DNAJC5B: variants seen among roughly 807,000 people sequenced by gnomAD.
The protein encoded by DNAJC5B is DnaJ heat shock protein family (Hsp40) member C5 beta, also known as dnaJ homolog subfamily C member 5B.
A neutral mutation model predicts 24.7 loss-of-function variants in DNAJC5B; 23 were observed. That is an observed-to-expected ratio of 0.93 (90% CI 0.67 to 1.32). The LOEUF is 1.32. Ranked by LOEUF, DNAJC5B falls within the 40% of genes most tolerant of loss-of-function variation. The pLI, the probability that DNAJC5B is intolerant of heterozygous loss-of-function variation, is 0.00. For synonymous variants in DNAJC5B, 101 were observed against 90.1 expected, an observed-to-expected ratio of 1.12 and a Z score of -0.68; for missense variants, 238 against 240.8, an observed-to-expected ratio of 0.99 and a Z score of 0.08.
chr8:66,078,237 T>C (rs7014971), intron 4 of DNAJC5B, among the ~76,000 whole-genome samples: 21,793 of 152,140 alleles, frequency 0.14, 2,412 homozygotes, highest in East Asian at 0.31. Context: ...GTGAGAGATA[T>C]GCAAAATAAT....
intron 3 of DNAJC5B, among the ~76,000 whole-genome samples, chr8:66,052,938 A>G (rs1368248594): frequency 6.6e-6 from 1 of 151,956 alleles, no homozygotes; most frequent in Non-Finnish European, 1.5e-5. Flanking sequence ...GTTTAGAGTT[A>G]GGGCCTCACT....
chr8:66,017,685 A>C (rs1805990888), upstream of DNAJC5B, among the ~76,000 whole-genome samples: 1 of 152,222 alleles, frequency 6.6e-6, no homozygotes, highest in African/African-American at 2.4e-5. Flanking sequence ...AACTGTTGTT[A>C]TGCTGACACT....
chr8:66,021,812 C>G (rs1393596432), intron 1 of DNAJC5B, 107 bp downstream of exon 1: 1 of 152,152 alleles, frequency 6.6e-6, no homozygotes, highest in African/African-American at 2.4e-5. Context: ...CAGAGCTGGG[C>G]GCATCTTGCC....
chr8:66,084,556 C>T (rs1807678275), intron 5 of DNAJC5B, among the ~76,000 whole-genome samples: 1 of 152,108 alleles, frequency 6.6e-6, no homozygotes, highest in Admixed American at 6.5e-5. Flanking sequence ...CTTTTCTAGG[C>T]AGCTGCTCAG....
chr8:66,027,231 G>A (rs1294803958), intron 1 of DNAJC5B, among the ~76,000 whole-genome samples: 2 of 152,126 alleles, frequency 1.3e-5, no homozygotes, highest in East Asian at 1.9e-4. Flanking sequence ...GGACAGCCCC[G>A]GAAATCTTTG....
At chr8:66,036,608 A>G (rs767676958) in intron 1 of DNAJC5B, among the ~76,000 whole-genome samples, 1 of 152,120 alleles carries the variant, frequency 6.6e-6, no homozygotes, top group Non-Finnish European at 1.5e-5. Flanking sequence ...TGGAAAATCA[A>G]GGTTGATTTG....
rs763073731 is a variant in DNAJC5B at position 66,076,757 on chromosome 8, G to T, written c.217G>T (p.Asp73Tyr). ...CAACAACGCCCACGCAATACTTACC[G>T]ACATTTCAAAGAGAAGCATATACGA... Reference protein sequence around the residue: ...EINNAHAILTDISKRSIYDKY... With the variant: ...EINNAHAILTYISKRSIYDKY... The change falls in exon 4 of 6, where the codon GAC becomes TAC. Residue 73 changes from aspartate (D) to tyrosine (Y), a missense_variant. Asp to Tyr is a radical substitution (Grantham distance 160). Transcript: ENST00000276570. The T allele has an allele frequency of 1.2e-6, 2 of 1,614,162 alleles. No homozygotes were observed. The highest frequency in any genetic ancestry group is 1.3e-5 in the African/African-American group (1 of 75,038).
intron 1 of DNAJC5B, among the ~76,000 whole-genome samples, chr8:66,033,893 T>C (rs1444567921): frequency 2.0e-5 from 3 of 151,064 alleles, no homozygotes; most frequent in Admixed American, 6.6e-5. Flanking sequence ...ATTTGGATGG[T>C]GTCCAGAGAT....
At chr8:66,020,594 C>CTGTGTGTGTGTGTGTGTG (rs10526018), upstream of DNAJC5B, among the ~76,000 whole-genome samples, 2 of 132,354 alleles carry the variant, frequency 1.5e-5, no homozygotes, top group African/African-American at 5.3e-5. Context: ...AATCAATACT[C>CTGTGTGTGTGTGTGTGTG]TGTGTGTGTG....
chr8:66,071,400 A>G (rs575537997), intron 3 of DNAJC5B, among the ~76,000 whole-genome samples: 1 of 152,364 alleles, frequency 6.6e-6, no homozygotes, highest in East Asian at 1.9e-4. Context: ...GGTTATGAAC[A>G]GACACTTCTC....
At chr8:66,038,852 G>C (rs532140329) in intron 1 of DNAJC5B, among the ~76,000 whole-genome samples, 1 of 152,244 alleles carries the variant, frequency 6.6e-6, no homozygotes, top group African/African-American at 2.4e-5. Flanking sequence ...TAAGCAACAA[G>C]GTGTTTAAAT....
intron 5 of DNAJC5B, among the ~76,000 whole-genome samples, chr8:66,089,459 T>A (rs549777393): frequency 4.7e-4 from 72 of 152,340 alleles, no homozygotes; most frequent in African/African-American, 1.6e-3. Context: ...ATTTGAAATA[T>A]CAAATCCTTT....
Position 66,035,014 on chromosome 8 carries a change from G to A in DNAJC5B, c.-141-8474G>A, listed in dbSNP as rs1038414685. 3.9e-5 allele frequency among the ~76,000 whole-genome samples: 6 copies of A among 152,180 alleles called. No individual in the cohort carries two copies. The South Asian group carries it at 8.3e-4, about 21-fold the overall frequency. On this transcript the variant is annotated intron_variant, in intron 1 of 5. Transcript: ENST00000276570. ...AAACTGTGCTAAATAACTCCTTTTA[G>A]CTATCGACATTTTTCATAAAATAGC...
chr8:66,040,521 G>A (rs1806585120), intron 1 of DNAJC5B, among the ~76,000 whole-genome samples: 1 of 152,164 alleles, frequency 6.6e-6, no homozygotes, highest in Non-Finnish European at 1.5e-5. Flanking sequence ...GTTTTCTTGG[G>A]AAACTCAGGC....
chr8:66,062,661 A>T (rs1432419080), intron 3 of DNAJC5B, among the ~76,000 whole-genome samples: 1 of 152,168 alleles, frequency 6.6e-6, no homozygotes, highest in African/African-American at 2.4e-5. Context: ...CTTTTTAGAG[A>T]GCCACAAAAT....
chr8:66,084,936 G>C (rs1807687683), intron 5 of DNAJC5B, among the ~76,000 whole-genome samples: 1 of 151,978 alleles, frequency 6.6e-6, no homozygotes, highest in South Asian at 2.1e-4. Flanking sequence ...AAGTTTCTGA[G>C]TTTTATGTTT....
chr8:66,094,960 A>G (rs1290872030), intron 5 of DNAJC5B, among the ~76,000 whole-genome samples: 3 of 152,138 alleles, frequency 2.0e-5, no homozygotes, highest in Non-Finnish European at 4.4e-5. Context: ...TAAATTCAGC[A>G]TAGTCTTCAT....
At chr8:66,028,184 G>A (rs1005597941) in intron 1 of DNAJC5B, among the ~76,000 whole-genome samples, 5 of 152,196 alleles carry the variant, frequency 3.3e-5, no homozygotes, top group Non-Finnish European at 7.3e-5. Context: ...GACTATGACT[G>A]ATTGACACAA....
intron 1 of DNAJC5B, among the ~76,000 whole-genome samples, chr8:66,022,206 C>T (rs879344653): frequency 2.0e-5 from 3 of 152,182 alleles, no homozygotes; most frequent in African/African-American, 4.8e-5. Context: ...CCACCCCGCC[C>T]CCAGCAACTC....
Sources: gnomAD v4.1 joint callset for allele counts (sites outside exome capture counted in the v4.1 genomes callset) on GRCh38, gnomAD v4.1.1 for gene constraint, MANE v1.5 for transcripts, NCBI Gene and HGNC (gene_info 2026-07-23, HGNC 2026-07-21) for gene names.